B3GALT1: variants seen among roughly 807,000 people sequenced by gnomAD.
B3GALT1 encodes the protein beta-1,3-galactosyltransferase 1, also known as UDP-Gal:betaGlcNAc beta 1,3-galactosyltransferase, polypeptide 1.
Under a neutral mutation model 23.2 loss-of-function variants are expected in B3GALT1, and 10 were observed. That is an observed-to-expected ratio of 0.43 (90% CI 0.27 to 0.73). B3GALT1 has a LOEUF of 0.73. B3GALT1 is among the 30% of genes least tolerant of loss of function. The probability of loss-of-function intolerance (pLI) is 0.21; values close to 1 mark genes in which losing one functional copy is unlikely to be tolerated. For synonymous variants in B3GALT1, 156 were observed against 141.5 expected, an observed-to-expected ratio of 1.10 and a Z score of -0.73; for missense variants, 299 against 405.4, an observed-to-expected ratio of 0.74 and a Z score of 2.25.
chr2:167,317,459 CAT>C (rs575295155), intron 1 of B3GALT1, among the ~76,000 whole-genome samples: 22 of 152,210 alleles, frequency 1.4e-4, no homozygotes, highest in Admixed American at 2.6e-4. Context: ...CACTTAAAAA[CAT>C]GTGAGCTTCC....
chr2:167,345,619 G>A (rs780242826), intron 1 of B3GALT1, among the ~76,000 whole-genome samples: 13 of 152,134 alleles, frequency 8.5e-5, no homozygotes, highest in African/African-American at 1.4e-4. Flanking sequence ...AAAGCCAGGC[G>A]TGTTCATTAT....
At chr2:167,332,413 G>A (rs1017658595) in intron 1 of B3GALT1, among the ~76,000 whole-genome samples, 1 of 152,196 alleles carries the variant, frequency 6.6e-6, no homozygotes, top group African/African-American at 2.4e-5. Context: ...CACTAATAGT[G>A]GCAGTTAAAC....
intron 4 of B3GALT1, among the ~76,000 whole-genome samples, chr2:167,820,899 G>A (rs984758940): frequency 6.6e-6 from 1 of 152,172 alleles, no homozygotes; most frequent in African/African-American, 2.4e-5. Flanking sequence ...TATTCCTGGC[G>A]ATGCTTTAAG....
At chr2:167,546,462 C>T (rs925638182) in intron 2 of B3GALT1, among the ~76,000 whole-genome samples, 1 of 152,110 alleles carries the variant, frequency 6.6e-6, no homozygotes, top group Non-Finnish European at 1.5e-5. Flanking sequence ...CATCATATAT[C>T]ACATTGTTAG....
chr2:167,499,096 A>AT (rs1254606776), intron 2 of B3GALT1, among the ~76,000 whole-genome samples: 2 of 152,004 alleles, frequency 1.3e-5, no homozygotes, highest in African/African-American at 2.4e-5. Flanking sequence ...AGTTCCTGTA[A>AT]TTGCAACATG....
intron 3 of B3GALT1, among the ~76,000 whole-genome samples, chr2:167,671,566 A>G (rs182159549): frequency 6.6e-6 from 1 of 152,288 alleles, no homozygotes; most frequent in East Asian, 1.9e-4. Flanking sequence ...AATATGTCAA[A>G]GAAGAAGTCA....
At chr2:167,718,344 A>G (rs1224535748) in intron 3 of B3GALT1, among the ~76,000 whole-genome samples, 1 of 152,176 alleles carries the variant, frequency 6.6e-6, no homozygotes, top group Non-Finnish European at 1.5e-5. Flanking sequence ...ATCAAATATC[A>G]TCTTTGTTCT....
intron 2 of B3GALT1, among the ~76,000 whole-genome samples, chr2:167,592,079 T>G (rs1684693068): frequency 6.6e-6 from 1 of 152,162 alleles, no homozygotes; most frequent in South Asian, 2.1e-4. Context: ...AATGTTACCA[T>G]TATCTGAGAT....
rs1321094395 is a variant in B3GALT1 at position 167,520,896 on chromosome 2, G to A, written c.-410+30619G>A. On this transcript the variant is annotated intron_variant, in intron 2 of 4. Transcript: ENST00000392690. The stretch of plus-strand genomic sequence containing the variant: ...TTTTTCAGTCAGAATTGTATAAGCT[G>A]AATTAATTGAGATGTCTATGGTGTT... 3.3e-5 allele frequency among the ~76,000 whole-genome samples: 5 copies of A among 152,280 alleles called. No homozygotes were observed. The South Asian group carries it at 8.3e-4, about 25-fold the overall frequency.
At chr2:167,788,214 A>G (rs1262092818) in intron 3 of B3GALT1, among the ~76,000 whole-genome samples, 1 of 122,664 alleles carries the variant, frequency 8.2e-6, no homozygotes, top group East Asian at 2.6e-4. Context: ...GTAGTCCCCA[A>G]CCTTTTTGGC....
At chr2:167,609,502 C>T (rs567032446) in intron 2 of B3GALT1, among the ~76,000 whole-genome samples, 1 of 152,148 alleles carries the variant, frequency 6.6e-6, no homozygotes, top group African/African-American at 2.4e-5. Context: ...CGCTCTACCA[C>T]CCAGAGCATC....
chr2:167,482,376 T>C (rs2105336928), intron 1 of B3GALT1, among the ~76,000 whole-genome samples: 1 of 152,340 alleles, frequency 6.6e-6, no homozygotes, highest in South Asian at 2.1e-4. Flanking sequence ...GAAGTAAGTA[T>C]GAATTAAAGA....
intron 2 of B3GALT1, among the ~76,000 whole-genome samples, chr2:167,628,145 T>C (rs1388426143): frequency 6.6e-6 from 1 of 151,752 alleles, no homozygotes; most frequent in African/African-American, 2.4e-5. Flanking sequence ...TTTTTCCCAG[T>C]CTGTGGCCTG....
intron 3 of B3GALT1, among the ~76,000 whole-genome samples, chr2:167,774,948 G>A (rs1300931798): frequency 6.6e-6 from 1 of 152,156 alleles, no homozygotes; most frequent in African/African-American, 2.4e-5. Flanking sequence ...CAGAGCAGAA[G>A]CACTTATTTT....
intron 2 of B3GALT1, among the ~76,000 whole-genome samples, chr2:167,563,272 CA>C (rs1684055356): frequency 9.2e-4 from 132 of 143,212 alleles, no homozygotes; most frequent in African/African-American, 2.1e-3. Context: ...GCTGGCCGGG[CA>C]GAGGGGCTCC....
chr2:167,552,470 C>T (rs1683765747), intron 2 of B3GALT1, among the ~76,000 whole-genome samples: 1 of 152,012 alleles, frequency 6.6e-6, no homozygotes, highest in African/African-American at 2.4e-5. Context: ...CTTAGTTATA[C>T]TATAATAAAG....
At chr2:167,800,533 A>C (rs145502943) in intron 3 of B3GALT1, among the ~76,000 whole-genome samples, 34 of 152,338 alleles carry the variant, frequency 2.2e-4, no homozygotes, top group Non-Finnish European at 8.8e-5. Context: ...GTTCCAACCT[A>C]AAAGAAAGTA....
chr2:167,705,073 C>G (rs1346088958), intron 3 of B3GALT1, among the ~76,000 whole-genome samples: 1 of 152,146 alleles, frequency 6.6e-6, no homozygotes, highest in Non-Finnish European at 1.5e-5. Flanking sequence ...GGCTATGTGA[C>G]CTGCTTGTGT....
At chr2:167,396,536 G>A (rs55760371) in intron 1 of B3GALT1, among the ~76,000 whole-genome samples, 741 of 30,102 alleles carry the variant, frequency 0.025, 11 homozygotes, top group African/African-American at 0.047. Flanking sequence ...ATATATATAT[G>A]TGTGTGTGTG....
Sources: gnomAD v4.1 joint callset for allele counts (sites outside exome capture counted in the v4.1 genomes callset) on GRCh38, gnomAD v4.1.1 for gene constraint, MANE v1.5 for transcripts, NCBI Gene and HGNC (gene_info 2026-07-23, HGNC 2026-07-21) for gene names.